The following TIMM8A variants were observed in gnomAD, a reference collection of about 807,000 sequenced individuals.
The protein encoded by TIMM8A is mitochondrial import inner membrane translocase subunit Tim8 A.
Under a neutral mutation model 6.8 loss-of-function variants are expected in TIMM8A, and 2 were observed. That is an observed-to-expected ratio of 0.30 (90% CI 0.12 to 0.93). The LOEUF (loss-of-function observed/expected upper bound fraction) is 0.93, where lower values mean the gene tolerates loss of function less well. TIMM8A is among the 40% of genes least tolerant of loss of function. The pLI is 0.55. For missense variants in TIMM8A, 34 were observed against 75.2 expected, an observed-to-expected ratio of 0.45 and a Z score of 2.02; for synonymous variants, 26 against 28.5, an observed-to-expected ratio of 0.91 and a Z score of 0.28.
Position 101,346,452 on chromosome X carries a change from C to G in TIMM8A, c.*47G>C. On this transcript the variant is annotated 3_prime_UTR_variant, in exon 2 of 2. Coordinates refer to ENST00000372902, the MANE Select transcript of TIMM8A (RefSeq NM_004085.4). ...TTCTTCAATCATCCCATCAACAGCT[C>G]TTCATTTCTTGAACTACCTTCCTTT... is the stretch of plus-strand genomic sequence containing the variant. 1 of 1,210,400 alleles carries G rather than the reference C, an allele frequency of 8.3e-7. No homozygotes were observed. The highest frequency in any genetic ancestry group is 1.1e-6 in the Non-Finnish European group (1 of 895,416).
In TIMM8A at chrX:101,348,684, C is replaced by T. The variant is rs781786693; in HGVS notation, c.-20G>A. The T allele has an allele frequency of 6.6e-6, 8 of 1,208,392 alleles. No homozygotes were observed. In the African/African-American group the frequency reaches 1.0e-4, roughly 16 times the overall value. On this transcript the variant is annotated 5_prime_UTR_variant, in exon 1 of 2. Coordinates refer to ENST00000372902, the MANE Select transcript of TIMM8A (RefSeq NM_004085.4). ...ATCCATCCCAGGGCGACCAAGCTTG[C>T]AGAGACGAACTCCGCACCGACCTTC... is the stretch of plus-strand genomic sequence containing the variant.
intron 1 of TIMM8A, 174 bp from the exon 2 acceptor site, chrX:101,346,834 A>T (rs782182520): frequency 1.4e-5 from 6 of 442,417 alleles, no homozygotes; most frequent in Non-Finnish European, 2.3e-5. Flanking sequence ...AATGTTCTCT[A>T]GCCTTACATT....
At chrX:101,346,780 A>G in intron 1 of TIMM8A, 120 bp from the exon 2 acceptor site, 1 of 687,442 alleles carries the variant, frequency 1.5e-6, no homozygotes, top group East Asian at 3.3e-5. Flanking sequence ...AATATCTGAT[A>G]TGTTACTGAT....
In TIMM8A at chrX:101,346,611, G is replaced by A. The variant is rs139950658; in HGVS notation, c.182C>T (p.Ala61Val). The change falls in exon 2 of 2, where the codon GCC becomes GTC. Residue 61 changes from alanine to valine, a missense_variant. Transcript: ENST00000372902. The stretch of plus-strand genomic sequence containing the variant: ...GCGCTCAACGCAGTTCACAAAACAG[G>A]CCTCAGCCCGACTGTCCAACTTTGG... ...PGPKLDSRAE[A>V]CFVNCVERFI... 5 of 1,210,253 alleles carry A rather than the reference G, an allele frequency of 4.1e-6. No homozygotes were observed. In the African/African-American group the frequency reaches 8.7e-5, roughly 21 times the overall value.
Position 101,346,620 on chromosome X carries a change from C to T in TIMM8A, c.173G>A (p.Arg58Gln). Residue 58 changes from arginine (R) to glutamine (Q), a missense_variant, in exon 2 of 2, where the codon CGG becomes CAG. By Grantham distance (43) the Arg-to-Gln change is conservative. Transcript: ENST00000372902. ...GCAGTTCACAAAACAGGCCTCAGCC[C>T]GACTGTCCAACTTTGGCCCAGGCTT... ...MDKPGPKLDS[R>Q]AEACFVNCVE... 2 of 1,211,963 alleles carry T rather than the reference C, an allele frequency of 1.7e-6. No homozygotes were observed. The highest frequency in any genetic ancestry group is 3.0e-5 in the East Asian group (1 of 33,867).
At chrX:101,347,554 C>G (rs999581766) in intron 1 of TIMM8A, 1 of 111,511 alleles carries the variant, frequency 9.0e-6, no homozygotes, top group East Asian at 2.8e-4. Flanking sequence ...CCGCGCCGGG[C>G]AGCTTACAGA....
Position 101,346,434 on chromosome X carries a change from A to G in TIMM8A, c.*65T>C. The G allele has an allele frequency of 8.3e-7, 1 of 1,210,159 alleles. No homozygotes were observed. The highest frequency in any genetic ancestry group is 1.1e-6 in the Non-Finnish European group (1 of 895,306). ...CAATCCTCTCATAGCTGTTTCTTCA[A>G]TCATCCCATCAACAGCTCTTCATTT... On this transcript the variant is annotated 3_prime_UTR_variant, in exon 2 of 2. Coordinates refer to ENST00000372902, the MANE Select transcript of TIMM8A (RefSeq NM_004085.4).
chrX:101,348,190 G>A, intron 1 of TIMM8A: 1 of 1,091,365 alleles, frequency 9.2e-7, no homozygotes, highest in Non-Finnish European at 1.2e-6. Context: ...GACTCGGGCT[G>A]CCAAAAATAA....
chrX:101,346,903 G>A, intron 1 of TIMM8A: 1 of 331,619 alleles, frequency 3.0e-6, no homozygotes, highest in Non-Finnish European at 5.2e-6. Context: ...TTTACAAAGA[G>A]GAAAACTGTG....
In TIMM8A at chrX:101,346,373, T is replaced by C. The variant is rs1926069566; in HGVS notation, c.*126A>G. On this transcript the variant is annotated 3_prime_UTR_variant, in exon 2 of 2. Transcript: ENST00000372902. ...AAATTGGTCTTTGTTCATTCTCAGA[T>C]GACAGGATGTCCCAAGAGTAACAAA... The C allele has an allele frequency of 1.7e-6, 2 of 1,199,130 alleles. No homozygotes were observed. The highest frequency in any genetic ancestry group is 1.7e-5 in the African/African-American group (1 of 57,566).
chrX:101,348,066 T>A, intron 1 of TIMM8A: 1 of 977,638 alleles, frequency 1.0e-6, no homozygotes, highest in Non-Finnish European at 1.3e-6. Flanking sequence ...ACCACTTTTA[T>A]AGTTACTGGG....
chrX:101,346,744 G>A, intron 1 of TIMM8A, 84 bp from the exon 2 acceptor site: 1 of 1,014,174 alleles, frequency 9.9e-7, no homozygotes. Context: ...TTGTTGCTTA[G>A]AGAAAAAAAA....
chrX:101,346,047 G>A lies in TIMM8A; in HGVS notation c.*452C>T. 1 of 805,479 alleles carries A rather than the reference G, an allele frequency of 1.2e-6. No individual in the cohort carries two copies. The highest frequency in any genetic ancestry group is 1.5e-6 in the Non-Finnish European group (1 of 675,203). The allele number at this position is 805,479 out of a possible 1,213,427, so 66.4% of individuals were successfully genotyped here. A position where few individuals can be genotyped will look rare whatever the true frequency, so the allele number is the denominator to read the frequency against. On this transcript the variant is annotated 3_prime_UTR_variant, in exon 2 of 2. Coordinates refer to ENST00000372902, the MANE Select transcript of TIMM8A (RefSeq NM_004085.4). ...ACACTCTTACAGATATTTTTCTCCA[G>A]CATTGACAATCAAACACTAGATAAG... is the stretch of plus-strand genomic sequence containing the variant.
intron 1 of TIMM8A, chrX:101,347,870 C>T (rs1157937452): frequency 5.3e-6 from 1 of 190,162 alleles, no homozygotes; most frequent in Non-Finnish European, 8.3e-6. Context: ...GAATTGTGTA[C>T]ATTAAGGGAG....
rs1452676005 is a variant in TIMM8A, at chrX:101,348,719, C to T, written c.-55G>A. 2 of 1,204,621 alleles carry T rather than the reference C, an allele frequency of 1.7e-6. No individual in the cohort carries two copies. Among genetic ancestry groups the T allele is most frequent in the Non-Finnish European group, 1.1e-6 (1 of 892,162 alleles). ...CTCCGCACCGACCTTCACGTGTCTCCGCGACGGAACCGGAACCACAGCTAG... is the reference window on the plus strand; with the variant it reads ...CTCCGCACCGACCTTCACGTGTCTCTGCGACGGAACCGGAACCACAGCTAG... On this transcript the variant is annotated 5_prime_UTR_variant, in exon 1 of 2. Transcript: ENST00000372902.
rs782102842 is a variant in TIMM8A at position 101,346,022 on chromosome X, A to G, written c.*477T>C. On this transcript the variant is annotated 3_prime_UTR_variant, in exon 2 of 2. Coordinates refer to ENST00000372902, the MANE Select transcript of TIMM8A (RefSeq NM_004085.4). ...AAGATAACTGAAGTGTACTGTATAA[A>G]CACTCTTACAGATATTTTTCTCCAG... 70 of 799,025 alleles carry G rather than the reference A, an allele frequency of 8.8e-5. No homozygotes were observed. The highest frequency in any genetic ancestry group is 1.0e-4 in the Non-Finnish European group (69 of 669,709). 65.8% of individuals were successfully genotyped at this position (799,025 alleles called of 1,213,427 possible).
intron 1 of TIMM8A, chrX:101,347,684 G>T (rs1555976265): frequency 1.8e-5 from 2 of 111,795 alleles, no homozygotes; most frequent in Non-Finnish European, 1.9e-5. Context: ...TAAGCATCTG[G>T]TAGGTGTCAT....
intron 1 of TIMM8A, chrX:101,347,937 T>C (rs1555976295): frequency 1.6e-6 from 1 of 642,326 alleles, no homozygotes; most frequent in Non-Finnish European, 1.9e-6. Flanking sequence ...CTTCCACCCT[T>C]TTGCCAAAGT....
Position 101,348,737 on chromosome X carries a change from A to T in TIMM8A, c.-73T>A, listed in dbSNP as rs191043798. ...GTGTCTCCGCGACGGAACCGGAACCACAGCTAGCTGCCTCTGGGACCGCCC... is the reference window on the plus strand; with the variant it reads ...GTGTCTCCGCGACGGAACCGGAACCTCAGCTAGCTGCCTCTGGGACCGCCC... On this transcript the variant is annotated 5_prime_UTR_variant, in exon 1 of 2. Transcript: ENST00000372902. 1.9e-3 allele frequency: 2,279 copies of T among 1,180,488 alleles called. 26 individuals carry two copies. The African/African-American group carries it at 0.035, about 18-fold the overall frequency.
Sources: gnomAD v4.1 joint callset for allele counts on GRCh38, gnomAD v4.1.1 for gene constraint, MANE v1.5 for transcripts, NCBI Gene and HGNC (gene_info 2026-07-23, HGNC 2026-07-21) for gene names.